The following THSD7A variants were observed in gnomAD, a reference collection of about 807,000 sequenced individuals.
THSD7A encodes thrombospondin type-1 domain-containing protein 7A.
In THSD7A, 96 loss-of-function variants were observed where a neutral mutation model predicts 231.3. That is an observed-to-expected ratio of 0.41 (90% CI 0.35 to 0.49). The LOEUF (loss-of-function observed/expected upper bound fraction) is 0.49. Among genes scored for constraint, THSD7A ranks in the 20% least tolerant of loss-of-function variants. The pLI, the probability that THSD7A is intolerant of heterozygous loss-of-function variation, is 0.05. For missense variants in THSD7A, 2,290 were observed against 2,070.2 expected, an observed-to-expected ratio of 1.11 and a Z score of -2.06; for synonymous variants, 940 against 743.3, an observed-to-expected ratio of 1.26 and a Z score of -4.30.
At chr7:11,447,806 T>C (rs142219286) in intron 11 of THSD7A, among the ~76,000 whole-genome samples, 39 of 152,172 alleles carry the variant, frequency 2.6e-4, no homozygotes, top group Non-Finnish European at 2.5e-4. Flanking sequence ...GCATAGGGTG[T>C]TTGGAGAGGG....
chr7:11,461,522 T>G (rs1404029142), intron 10 of THSD7A, among the ~76,000 whole-genome samples: 1 of 152,122 alleles, frequency 6.6e-6, no homozygotes, highest in Non-Finnish European at 1.5e-5. Context: ...TAACTACAAT[T>G]TTATTTGAGG....
intron 1 of THSD7A, among the ~76,000 whole-genome samples, chr7:11,669,727 A>G (rs1783299090): frequency 6.6e-6 from 1 of 152,102 alleles, no homozygotes; most frequent in South Asian, 2.1e-4. Flanking sequence ...CTAGAATCCA[A>G]TGATCTTGCT....
intron 13 of THSD7A, among the ~76,000 whole-genome samples, chr7:11,441,443 G>T (rs1443665132): frequency 6.6e-6 from 1 of 151,948 alleles, no homozygotes; most frequent in Non-Finnish European, 1.5e-5. Context: ...TTTAAAATAT[G>T]AAGATTAAAT....
Position 11,406,463 on chromosome 7 carries a change from A to G in THSD7A, c.4074T>C (p.Cys1358=). ...WSPCQVQEAQ[C]GEGTRTRNIS... ...TGTTCCTTGTTCTGGTCCCTTCTCC[A>G]CACTGGGCCTCCTGGAATGGAGGAA... Residue 1358 remains cysteine (C), a synonymous_variant, in exon 22 of 28, where the codon TGT becomes TGC. Transcript: ENST00000423059. The surrounding 1 kb of genome is among the most constrained non-coding windows in gnomAD (Gnocchi z 4.7). 6.2e-7 allele frequency: 1 copy of G among 1,608,908 alleles called. No individual in the cohort carries two copies. The highest frequency in any genetic ancestry group is 1.1e-5 in the South Asian group (1 of 89,920).
At chr7:11,764,011 T>C (rs1301467306) in intron 1 of THSD7A, among the ~76,000 whole-genome samples, 1 of 152,214 alleles carries the variant, frequency 6.6e-6, no homozygotes, top group Non-Finnish European at 1.5e-5. Flanking sequence ...TTAAGTTGCA[T>C]CATCCTTTCT....
intron 4 of THSD7A, among the ~76,000 whole-genome samples, chr7:11,583,438 G>A (rs1415821541): frequency 6.6e-6 from 1 of 151,928 alleles, no homozygotes; most frequent in Non-Finnish European, 1.5e-5. Flanking sequence ...CATCACGCCT[G>A]GCAGTTTTTA....
chr7:11,613,650 A>G (rs1781009719), intron 2 of THSD7A, among the ~76,000 whole-genome samples: 1 of 152,182 alleles, frequency 6.6e-6, no homozygotes, highest in Admixed American at 6.5e-5. Flanking sequence ...CTTTTTACCA[A>G]AGTTAACTGG....
rs543668831 is a variant in THSD7A at position 11,814,618 on chromosome 7, C to A, written c.190+17139G>T. On this transcript the variant is annotated intron_variant, in intron 1 of 27. Transcript: ENST00000423059. The surrounding 1 kb of genome is among the most constrained non-coding windows in gnomAD (Gnocchi z 5.1). ...TAGTATTTATTCTCTTCTTGTGGAA[C>A]TTGCACAGCTGAAGCAGTTCAAAAC... 1.3e-5 allele frequency among the ~76,000 whole-genome samples: 2 copies of A among 152,128 alleles called. No individual in the cohort carries two copies. Among genetic ancestry groups the A allele is most frequent in the African/African-American group, 4.8e-5 (2 of 41,430 alleles).
chr7:11,438,205 T>C (rs1784693064), intron 13 of THSD7A, among the ~76,000 whole-genome samples: 1 of 152,044 alleles, frequency 6.6e-6, no homozygotes, highest in Non-Finnish European at 1.5e-5. Context: ...GTCAGAACTG[T>C]GAGAGGCTGG....
At chr7:11,423,621 G>A (rs1583712643) in intron 16 of THSD7A, among the ~76,000 whole-genome samples, 1 of 151,892 alleles carries the variant, frequency 6.6e-6, no homozygotes, top group Non-Finnish European at 1.5e-5. Flanking sequence ...CACCCGCCTC[G>A]GCCTCCCAAA....
intron 4 of THSD7A, among the ~76,000 whole-genome samples, chr7:11,549,595 G>A (rs187790076): frequency 6.6e-6 from 1 of 152,218 alleles, no homozygotes; most frequent in Admixed American, 6.5e-5. Context: ...ATACTATGTA[G>A]CCATTAAAAG....
At chr7:11,671,242 T>A (rs1183987635) in intron 1 of THSD7A, among the ~76,000 whole-genome samples, 5 of 152,184 alleles carry the variant, frequency 3.3e-5, no homozygotes, top group Admixed American at 6.6e-5. Flanking sequence ...AATGGCCAGC[T>A]CCTTTGATAG....
chr7:11,830,300 G>A (rs1428836764), intron 1 of THSD7A, among the ~76,000 whole-genome samples: 2 of 152,082 alleles, frequency 1.3e-5, no homozygotes, highest in Non-Finnish European at 2.9e-5. Context: ...TTTCAACTAG[G>A]CAACTACTAT....
rs374188461 is a variant in THSD7A at position 11,636,848 on chromosome 7, C to T, written c.304G>A (p.Ala102Thr). ...WTTLHTNCKQ[A>T]ERPNNQQNCF... is the part of the protein sequence containing the mutation. ...TTCTGCTGGTTATTGGGTCTCTCGG[C>T]CTGCTTACAGTTAGTATGCAGTGTA... is the stretch of plus-strand genomic sequence containing the variant. The change falls in exon 2 of 28, where the codon GCC (alanine) becomes ACC (threonine). Residue 102 changes from alanine (A) to threonine (T), a missense_variant. Ala to Thr is a moderately conservative substitution (Grantham distance 58). Transcript: ENST00000423059. The surrounding 1 kb of genome is among the most constrained non-coding windows in gnomAD (Gnocchi z 10.0). 40 of 1,613,916 alleles carry T rather than the reference C, an allele frequency of 2.5e-5. No homozygotes were observed. The African/African-American group carries it at 3.7e-4, about 15-fold the overall frequency.
chr7:11,576,396 C>T (rs1162887896), intron 4 of THSD7A, among the ~76,000 whole-genome samples: 1 of 152,128 alleles, frequency 6.6e-6, no homozygotes, highest in Admixed American at 6.5e-5. Flanking sequence ...TAAAGAATAT[C>T]TACTATGGGG....
At chr7:11,585,808 A>G (rs569653262) in intron 4 of THSD7A, among the ~76,000 whole-genome samples, 23 of 152,214 alleles carry the variant, frequency 1.5e-4, no homozygotes, top group Non-Finnish European at 2.5e-4. Context: ...CTCCGTAGAC[A>G]TGCCAATTCA....
intron 13 of THSD7A, among the ~76,000 whole-genome samples, chr7:11,436,130 G>A (rs1029474629): frequency 6.6e-6 from 1 of 151,980 alleles, no homozygotes; most frequent in African/African-American, 2.4e-5. Flanking sequence ...TAACTAACAT[G>A]ATGTTGAAAA....
chr7:11,459,704 A>G (rs1180055691), intron 11 of THSD7A, among the ~76,000 whole-genome samples: 1 of 127,770 alleles, frequency 7.8e-6, no homozygotes, highest in Non-Finnish European at 1.6e-5. Context: ...TTTTTTTTAC[A>G]AAACAGAAGC....
chr7:11,826,741 G>A (rs1229242949), intron 1 of THSD7A, among the ~76,000 whole-genome samples: 1 of 150,124 alleles, frequency 6.7e-6, no homozygotes, highest in Admixed American at 6.7e-5. Flanking sequence ...GAATCCAGGA[G>A]GCAATGATTG....
Sources: gnomAD v4.1 joint callset for allele counts (sites outside exome capture counted in the v4.1 genomes callset) on GRCh38, gnomAD v4.1.1 for gene constraint, Gnocchi (gnomAD v3.1) non-coding constraint, MANE v1.5 for transcripts, NCBI Gene and HGNC (gene_info 2026-07-23, HGNC 2026-07-21) for gene names.